The following EXOC4 variants were observed in gnomAD, a reference collection of about 807,000 sequenced individuals.
EXOC4 encodes the protein SEC8-like 1.
A neutral mutation model predicts 107.2 loss-of-function variants in EXOC4; 71 were observed. The ratio of observed to expected loss-of-function variants is 0.66; its 90% CI spans 0.55 to 0.81. EXOC4 has a LOEUF of 0.81. Among genes scored for constraint, EXOC4 ranks in the 30% least tolerant of loss-of-function variants. The probability of loss-of-function intolerance (pLI) is 0.00; values close to 1 mark genes in which losing one functional copy is unlikely to be tolerated. For missense variants in EXOC4, 1,108 were observed against 1,189.6 expected (o/e 0.93, Z 1.01); for synonymous variants, 456 against 441.2 (o/e 1.03, Z -0.42).
chr7:133,419,580 T>G (rs977842476), intron 7 of EXOC4, among the ~76,000 whole-genome samples: 1 of 152,096 alleles, frequency 6.6e-6, no homozygotes, highest in Non-Finnish European at 1.5e-5. Context: ...AGTATTGTTC[T>G]GGGGAGCCAT....
the EXOC4 span, among the ~76,000 whole-genome samples, chr7:134,083,023 G>A: frequency 1.3e-5 from 2 of 152,276 alleles, no homozygotes; most frequent in East Asian, 1.9e-4. Flanking sequence ...GACTTTGGAA[G>A]GAACTGGAAA....
At chr7:134,089,049 T>G in the EXOC4 span, among the ~76,000 whole-genome samples, 1 of 152,032 alleles carries the variant, frequency 6.6e-6, no homozygotes, top group Non-Finnish European at 1.5e-5. Context: ...CCCTTTACAA[T>G]TTTTTATTAA....
chr7:133,630,173 G>T (rs1158515690), intron 10 of EXOC4, 32 bp downstream of exon 10: 1 of 1,484,066 alleles, frequency 6.7e-7, no homozygotes, highest in South Asian at 1.1e-5. Context: ...ACTTACTGAA[G>T]ATCAATATTT....
intron 10 of EXOC4, among the ~76,000 whole-genome samples, chr7:133,759,621 C>T (rs546524177): frequency 6.6e-5 from 10 of 152,304 alleles, no homozygotes; most frequent in Admixed American, 2.0e-4. Flanking sequence ...TAGTATGACT[C>T]TTACCCCCAC....
chr7:134,080,465 G>C, the EXOC4 span, among the ~76,000 whole-genome samples: 1 of 152,030 alleles, frequency 6.6e-6, no homozygotes, highest in East Asian at 1.9e-4. Context: ...TAACCACTAA[G>C]GAGTTTTAAG....
intron 14 of EXOC4, among the ~76,000 whole-genome samples, chr7:133,991,196 G>T (rs1163970954): frequency 6.6e-6 from 1 of 151,978 alleles, no homozygotes; most frequent in African/African-American, 2.4e-5. Context: ...TCATATACCT[G>T]TTGGCCATTT....
At chr7:133,727,295 C>A in intron 10 of EXOC4, 1 of 156,134 alleles carries the variant, frequency 6.4e-6, no homozygotes. Context: ...GGTGCCAATG[C>A]AATGGCTAAT....
intron 6 of EXOC4, among the ~76,000 whole-genome samples, chr7:133,366,121 G>T (rs758983728): frequency 1.3e-5 from 2 of 152,142 alleles, no homozygotes; most frequent in Non-Finnish European, 2.9e-5. Context: ...CTAATTCAAG[G>T]TTCCCTGGAT....
At chr7:134,032,063 G>C (rs1002190478) in intron 17 of EXOC4, among the ~76,000 whole-genome samples, 2 of 152,104 alleles carry the variant, frequency 1.3e-5, no homozygotes, top group Admixed American at 1.3e-4. Flanking sequence ...TTTCTTGAAA[G>C]CTGAAATTAG....
chr7:133,905,251 A>G (rs1187406885), intron 12 of EXOC4, among the ~76,000 whole-genome samples: 1 of 152,170 alleles, frequency 6.6e-6, no homozygotes, highest in African/African-American at 2.4e-5. Context: ...ATCTGAGGAA[A>G]GGTGAAAAAC....
intron 1 of EXOC4, among the ~76,000 whole-genome samples, chr7:133,264,628 A>G (rs1793673567): frequency 1.3e-5 from 2 of 152,290 alleles, no homozygotes; most frequent in African/African-American, 2.4e-5. Context: ...ATAGTGATAC[A>G]CATCTTGGAC....
At chr7:134,002,757 A>G (rs1055401773) in intron 15 of EXOC4, among the ~76,000 whole-genome samples, 1 of 152,182 alleles carries the variant, frequency 6.6e-6, no homozygotes, top group African/African-American at 2.4e-5. Context: ...AATTAAAACC[A>G]CAGTGAGATA....
chr7:133,947,880 T>G (rs1321059663), intron 14 of EXOC4, among the ~76,000 whole-genome samples: 1 of 152,210 alleles, frequency 6.6e-6, no homozygotes, highest in Non-Finnish European at 1.5e-5. Context: ...TGATTTTATC[T>G]TCAAGCAAAA....
rs575596017 is a variant in EXOC4, at chr7:133,811,581, C to G, written c.1515-5744C>G. Among the ~76,000 whole-genome samples, 15 of 152,178 alleles carry G rather than the reference C, an allele frequency of 9.9e-5. No individual in the cohort carries two copies. In the South Asian group the frequency reaches 3.1e-3, roughly 32 times the overall value. On this transcript the variant is annotated intron_variant, in intron 10 of 17. Transcript: ENST00000253861. ...CAACAGAAGCAAAATGAAGATGTTC[C>G]CTAGTAGCTGTTTGGTTAATAAAAC...
At chr7:133,945,729 C>A (rs1049084861) in intron 14 of EXOC4, among the ~76,000 whole-genome samples, 1 of 152,170 alleles carries the variant, frequency 6.6e-6, no homozygotes, top group African/African-American at 2.4e-5. Flanking sequence ...GCGCAATATT[C>A]CAGCATGTTT....
chr7:133,673,317 T>G (rs1364964897), intron 10 of EXOC4, among the ~76,000 whole-genome samples: 7 of 152,246 alleles, frequency 4.6e-5, no homozygotes, highest in Admixed American at 3.3e-4. Context: ...TTATTGTGTA[T>G]GGTTAAAAAG....
intron 10 of EXOC4, among the ~76,000 whole-genome samples, chr7:133,778,195 C>T (rs145346674): frequency 3.9e-5 from 6 of 152,252 alleles, no homozygotes; most frequent in African/African-American, 1.4e-4. Context: ...TCTCTTGATG[C>T]TTATCTTAGG....
At chr7:133,979,822 G>A (rs983253582) in intron 14 of EXOC4, among the ~76,000 whole-genome samples, 19 of 152,090 alleles carry the variant, frequency 1.2e-4, no homozygotes, top group African/African-American at 3.6e-4. Context: ...AATTGCCTTC[G>A]TTAAAGAACC....
chr7:134,100,562 G>T, the EXOC4 span, among the ~76,000 whole-genome samples: 14 of 129,024 alleles, frequency 1.1e-4, 2 homozygotes, highest in African/African-American at 2.9e-4. Context: ...TCAGCAGTTC[G>T]GTTCTACTGG....
Sources: allele counts gnomAD v4.1 joint callset (sites outside exome capture counted in the v4.1 genomes callset), GRCh38; gene constraint gnomAD v4.1.1; transcripts MANE v1.5; gene names NCBI Gene and HGNC (gene_info 2026-07-23, HGNC 2026-07-21).